The following BRINP2 variants were observed in gnomAD, a reference collection of about 807,000 sequenced individuals.
The protein encoded by BRINP2 is BMP/retinoic acid inducible neural specific 2.
Under a neutral mutation model 69.2 loss-of-function variants are expected in BRINP2, and 21 were observed. The ratio of observed to expected loss-of-function variants is 0.30; its 90% confidence interval spans 0.22 to 0.44. The LOEUF is 0.44. BRINP2 is among the 20% of genes least tolerant of loss of function. The pLI is 1.00. For missense variants in BRINP2, 877 were observed against 986.0 expected (o/e 0.89, Z 1.48); for synonymous variants, 380 against 394.1 (o/e 0.96, Z 0.42).
chr1:177,221,091 C>G (rs2102318381), intron 1 of BRINP2, among the ~76,000 whole-genome samples: 1 of 152,164 alleles, frequency 6.6e-6, no homozygotes, highest in East Asian at 1.9e-4. Context: ...ATACAGCTAT[C>G]TTATTCAAGT....
Position 177,282,323 on chromosome 1 carries a change from A to T in BRINP2, c.*795A>T, listed in dbSNP as rs1651731962. On this transcript the variant is annotated 3_prime_UTR_variant, in exon 8 of 8. Coordinates refer to ENST00000361539, the MANE Select transcript of BRINP2 (RefSeq NM_021165.4). Reference sequence around the variant, plus strand: ...GAAATGTTCTTTTTTAAAAAAAAATAACAAAAACAAAACAAAACTATTTAT... The same window carrying T: ...GAAATGTTCTTTTTTAAAAAAAAATTACAAAAACAAAACAAAACTATTTAT... 1 of 152,210 alleles carries T rather than the reference A, an allele frequency of 6.6e-6. No individual in the cohort carries two copies. Among genetic ancestry groups the T allele is most frequent in the Non-Finnish European group, 1.5e-5 (1 of 68,032 alleles). 9.4% of individuals were successfully genotyped at this position (152,210 alleles called of 1,614,324 possible).
intron 1 of BRINP2, among the ~76,000 whole-genome samples, chr1:177,192,902 T>G (rs1648632314): frequency 6.6e-6 from 1 of 152,134 alleles, no homozygotes. Context: ...CAGACTAGAT[T>G]TAGGAGCTAT....
At chr1:177,220,182 G>T (rs766075333) in intron 1 of BRINP2, among the ~76,000 whole-genome samples, 1 of 152,198 alleles carries the variant, frequency 6.6e-6, no homozygotes, top group Non-Finnish European at 1.5e-5. Flanking sequence ...ATTCCTGGGG[G>T]CCTATCTATC....
chr1:177,176,380 T>C (rs1201358554), intron 1 of BRINP2, among the ~76,000 whole-genome samples: 1 of 152,156 alleles, frequency 6.6e-6, no homozygotes, highest in Non-Finnish European at 1.5e-5. Flanking sequence ...ATTTTTAATC[T>C]TCATTACATG....
chr1:177,181,901 C>G (rs1648264179), intron 1 of BRINP2, among the ~76,000 whole-genome samples: 1 of 152,242 alleles, frequency 6.6e-6, no homozygotes, highest in Admixed American at 6.5e-5. Context: ...CGCAGAGGCG[C>G]AGGCGGGATT....
At chr1:177,262,489 T>C (rs935455960) in intron 4 of BRINP2, among the ~76,000 whole-genome samples, 2 of 147,670 alleles carry the variant, frequency 1.4e-5, no homozygotes, top group African/African-American at 5.0e-5. Flanking sequence ...TCCAGCCTGG[T>C]GACAGAGCAA....
At chr1:177,184,372 T>C (rs1648365323) in intron 1 of BRINP2, among the ~76,000 whole-genome samples, 1 of 152,154 alleles carries the variant, frequency 6.6e-6, no homozygotes, top group Non-Finnish European at 1.5e-5. Context: ...CTCTACTACA[T>C]GGTTCTCCCC....
At chr1:177,234,620 A>C (rs1324493266) in intron 2 of BRINP2, among the ~76,000 whole-genome samples, 5 of 152,050 alleles carry the variant, frequency 3.3e-5, no homozygotes. Context: ...TAACATTGAG[A>C]GAGAAAGTTG....
intron 2 of BRINP2, among the ~76,000 whole-genome samples, chr1:177,240,612 G>T (rs554148819): frequency 1.3e-5 from 2 of 152,160 alleles, no homozygotes; most frequent in Non-Finnish European, 2.9e-5. Context: ...GTGAGACTCC[G>T]TAAAAGAAAT....
At chr1:177,199,264 G>T (rs1648834629) in intron 1 of BRINP2, among the ~76,000 whole-genome samples, 1 of 152,206 alleles carries the variant, frequency 6.6e-6, no homozygotes, top group Middle Eastern at 3.2e-3. Flanking sequence ...CCTATTTTCA[G>T]TAGGGTGGTG....
intron 1 of BRINP2, among the ~76,000 whole-genome samples, chr1:177,176,143 T>C (rs1398441222): frequency 1.3e-5 from 2 of 152,174 alleles, no homozygotes; most frequent in Non-Finnish European, 2.9e-5. Context: ...TTATTCCTCT[T>C]ACTGAGGCTC....
chr1:177,241,263 G>T lies in BRINP2; in HGVS notation c.269+11118G>T, dbSNP rs368362444. Among the ~76,000 whole-genome samples the T allele has an allele frequency of 6.7e-4, 102 of 152,266 alleles. 1 individual carries two copies. Among genetic ancestry groups the T allele is most frequent in the African/African-American group, 2.3e-3 (95 of 41,542 alleles). ...TGGGATTACAGGCGTGAGCCATTGC[G>T]CCCGGACCACTGAAGCCAATTTTTA... On this transcript the variant is annotated intron_variant, in intron 2 of 7. Coordinates refer to ENST00000361539, the MANE Select transcript of BRINP2 (RefSeq NM_021165.4).
At chr1:177,191,320 A>G (rs1025643143) in intron 1 of BRINP2, among the ~76,000 whole-genome samples, 3 of 152,188 alleles carry the variant, frequency 2.0e-5, no homozygotes, top group African/African-American at 4.8e-5. Flanking sequence ...ATCGCTTAAG[A>G]CATCTCAAGC....
rs184686791 is a variant in BRINP2 at position 177,271,487 on chromosome 1, G to A, written c.670-2001G>A. Among the ~76,000 whole-genome samples the A allele has an allele frequency of 2.0e-5, 3 of 152,306 alleles. No homozygotes were observed. The East Asian group carries it at 5.8e-4, about 29-fold the overall frequency. ...ACAAAAAGGTATTGAACTGGAGTCT[G>A]AGGACTCTAAAGTTAGAATCCTGTT... On this transcript the variant is annotated intron_variant, in intron 4 of 7. Transcript: ENST00000361539.
intron 3 of BRINP2, chr1:177,256,363 T>C: frequency 3.0e-6 from 3 of 985,422 alleles, no homozygotes; most frequent in Non-Finnish European, 3.6e-6. Flanking sequence ...AACAAGCACT[T>C]GCCAGCAGGG....
intron 1 of BRINP2, among the ~76,000 whole-genome samples, chr1:177,203,989 C>T (rs1042907788): frequency 4.0e-4 from 61 of 152,120 alleles, no homozygotes; most frequent in African/African-American, 1.4e-3. Flanking sequence ...GGACAGACCC[C>T]GCATAGGAGT....
At chr1:177,237,780 C>T (rs912297695) in intron 2 of BRINP2, among the ~76,000 whole-genome samples, 6 of 151,934 alleles carry the variant, frequency 3.9e-5, no homozygotes, top group South Asian at 2.1e-4. Context: ...TTCTTAGAGA[C>T]GTGTGTGTGT....
Position 177,213,611 on chromosome 1 carries a change from A to C in BRINP2, c.-76-16190A>C, listed in dbSNP as rs546986131. Reference sequence around the variant, plus strand: ...ATTCAAAATTAGGCTGAAAATAATTAATCTGTTTTGATTCAGAAGTGACTG... The same window carrying C: ...ATTCAAAATTAGGCTGAAAATAATTCATCTGTTTTGATTCAGAAGTGACTG... On this transcript the variant is annotated intron_variant, in intron 1 of 7. Coordinates refer to ENST00000361539, the MANE Select transcript of BRINP2 (RefSeq NM_021165.4). Among the ~76,000 whole-genome samples the C allele has an allele frequency of 4.6e-5, 7 of 152,332 alleles. No individual in the cohort carries two copies. In the South Asian group the frequency reaches 1.4e-3, roughly 32 times the overall value.
intron 6 of BRINP2, among the ~76,000 whole-genome samples, chr1:177,277,745 G>A (rs991319846): frequency 5.3e-5 from 8 of 151,984 alleles, no homozygotes; most frequent in Non-Finnish European, 1.2e-4. Context: ...ACATGACTTT[G>A]GGCCTTTACT....
Sources: gnomAD v4.1 joint callset for allele counts (sites outside exome capture counted in the v4.1 genomes callset) on GRCh38, gnomAD v4.1.1 for gene constraint, MANE v1.5 for transcripts, NCBI Gene and HGNC (gene_info 2026-07-23, HGNC 2026-07-21) for gene names.